Variants in PCDHGA7 observed in about 807,000 individuals in gnomAD.
PCDHGA7 encodes the protein protocadherin gamma-A7.
In PCDHGA7, 44 loss-of-function variants were observed where a neutral mutation model predicts 58.3. That is an observed-to-expected ratio of 0.75 (90% CI 0.59 to 0.97). PCDHGA7 has a LOEUF of 0.97. Ranked by LOEUF, PCDHGA7 falls within the 50% of genes least tolerant of loss-of-function variation. The probability of loss-of-function intolerance (pLI) is 0.00; values close to 1 mark genes in which losing one functional copy is unlikely to be tolerated. For missense variants in PCDHGA7, 1,266 were observed against 1,188.7 expected, an observed-to-expected ratio of 1.06 and a Z score of -0.96; for synonymous variants, 516 against 504.2, an observed-to-expected ratio of 1.02 and a Z score of -0.31.
rs773688197 is a variant in PCDHGA7, at chr5:141,432,412, C to T, written c.2424+47089C>T. On this transcript the variant is annotated intron_variant, in intron 1 of 3. Transcript: ENST00000518325. This position sits in a 1 kb window ranked among gnomAD's most constrained non-coding sequence, Gnocchi z 6.0. ...GCAGCAACGTGTCGTTGAGCCTGTT[C>T]GTGCTGGACCAGAACGACAATGCGC... 5 of 1,614,128 alleles carry T rather than the reference C, an allele frequency of 3.1e-6. No individual in the cohort carries two copies. The highest frequency in any genetic ancestry group is 4.5e-5 in the East Asian group (2 of 44,894).
chr5:141,385,097 C>G lies in PCDHGA7; in HGVS notation c.2198C>G (p.Ala733Gly). 6.2e-7 allele frequency: 1 copy of G among 1,614,192 alleles called. No homozygotes were observed. Among genetic ancestry groups the G allele is most frequent in the Non-Finnish European group, 8.5e-7 (1 of 1,180,050 alleles). The change falls in exon 1 of 4, where the codon GCG becomes GGG. Residue 733 changes from alanine to glycine, a missense_variant. Ala to Gly is a moderately conservative substitution (Grantham distance 60). Coordinates refer to ENST00000518325, the MANE Select transcript of PCDHGA7 (RefSeq NM_018920.4). Reference protein sequence around the residue: ...RLLQASEGGLANVPTSHFVGM... With the variant: ...RLLQASEGGLGNVPTSHFVGM... ...CTGCAGGCTTCAGAAGGTGGCTTGGCGAACGTGCCCACCTCGCACTTTGTG... is the reference window on the plus strand; with the variant it reads ...CTGCAGGCTTCAGAAGGTGGCTTGGGGAACGTGCCCACCTCGCACTTTGTG...
chr5:141,505,072 G>A (rs1374916789), intron 2 of PCDHGA7, among the ~76,000 whole-genome samples: 1 of 152,228 alleles, frequency 6.6e-6, no homozygotes. Context: ...TGAGGCAGGA[G>A]AATCGCTTGA....
intron 2 of PCDHGA7, among the ~76,000 whole-genome samples, chr5:141,495,119 C>T (rs1024197360): frequency 3.9e-5 from 6 of 152,182 alleles, no homozygotes; most frequent in African/African-American, 1.4e-4. Context: ...CTTTTCCTAT[C>T]CCCTGAGGGC....
Position 141,490,820 on chromosome 5 carries a change from T to G in PCDHGA7, c.2425-3987T>G. On this transcript the variant is annotated intron_variant, in intron 1 of 3. Transcript: ENST00000518325. The surrounding 1 kb of genome is among the most constrained non-coding windows in gnomAD (Gnocchi z 5.4). ...CAGCGTACCTTTGACTATGAATTGC[T>G]GCAGATGCTGCAGATTGTGGTGGGG... 6.2e-7 allele frequency: 1 copy of G among 1,613,820 alleles called. No homozygotes were observed. Among genetic ancestry groups the G allele is most frequent in the Non-Finnish European group, 8.5e-7 (1 of 1,179,768 alleles).
intron 1 of PCDHGA7, chr5:141,478,544 C>G (rs1371505487): frequency 6.2e-7 from 1 of 1,605,660 alleles, no homozygotes; most frequent in Admixed American, 1.7e-5. Flanking sequence ...CCCTCCCGGA[C>G]AGGTAAGGTT....
At chr5:141,421,080 C>CA (rs2096545590) in intron 1 of PCDHGA7, 1 of 638,250 alleles carries the variant, frequency 1.6e-6, no homozygotes, top group East Asian at 2.9e-5. Context: ...GATGGATACT[C>CA]ACAGATCCTG....
chr5:141,478,307 G>T, intron 1 of PCDHGA7: 3 of 1,614,056 alleles, frequency 1.9e-6, no homozygotes, highest in Non-Finnish European at 2.5e-6. Context: ...CCGAGCCCCG[G>T]TGAGCTCACT....
Position 141,384,104 on chromosome 5 carries a change from A to C in PCDHGA7, c.1205A>C (p.Tyr402Ser). Reference sequence around the variant, plus strand: ...TTAGAAAAATCAATAGATAATTATTATAGATTGGTCACAACCAAAAACTTG... The same window carrying C: ...TTAGAAAAATCAATAGATAATTATTCTAGATTGGTCACAACCAAAAACTTG... ...FKLEKSIDNYYRLVTTKNLDR... is the reference protein window; with the variant it reads ...FKLEKSIDNYSRLVTTKNLDR... Residue 402 changes from tyrosine (Y) to serine (S), a missense_variant, in exon 1 of 4, where the codon TAT becomes TCT. Physicochemically the swap from Tyr to Ser is moderately radical, Grantham distance 144. Coordinates refer to ENST00000518325, the MANE Select transcript of PCDHGA7 (RefSeq NM_018920.4). The C allele has an allele frequency of 1.2e-6, 2 of 1,601,040 alleles. No individual in the cohort carries two copies. The highest frequency in any genetic ancestry group is 8.5e-7 in the Non-Finnish European group (1 of 1,173,212).
Position 141,418,795 on chromosome 5 carries a change from A to G in PCDHGA7, c.2424+33472A>G, listed in dbSNP as rs373690093. The G allele has an allele frequency of 6.8e-6, 11 of 1,613,740 alleles. No homozygotes were observed. The African/African-American group carries it at 1.5e-4, about 22-fold the overall frequency. On this transcript the variant is annotated intron_variant, in intron 1 of 3. Transcript: ENST00000518325. Reference sequence around the variant, plus strand: ...AGCAGCCTTTGGATTTTGAAGAAGTAGAAAGATATACGATAAACATAGAAG... The same window carrying G: ...AGCAGCCTTTGGATTTTGAAGAAGTGGAAAGATATACGATAAACATAGAAG...
In PCDHGA7 at chr5:141,511,236, C is replaced by T; in HGVS notation, c.*63C>T. 4 of 1,591,606 alleles carry T rather than the reference C, an allele frequency of 2.5e-6. No individual in the cohort carries two copies. Among genetic ancestry groups the T allele is most frequent in the Admixed American group, 3.6e-5 (2 of 56,022 alleles). ...CCCAACCAGCCCAGCTTCTCCTTAC[C>T]TGCACCCAGGCCTCAGAGTTTCAGG... On this transcript the variant is annotated 3_prime_UTR_variant, in exon 4 of 4. Transcript: ENST00000518325.
At chr5:141,398,061 A>G (rs541058758) in intron 1 of PCDHGA7, 863 of 1,544,254 alleles carry the variant, frequency 5.6e-4, no homozygotes, top group Middle Eastern at 1.5e-3. Flanking sequence ...CCAAAAATCT[A>G]CAATACAGAG....
chr5:141,394,115 T>A, intron 1 of PCDHGA7: 1 of 1,613,954 alleles, frequency 6.2e-7, no homozygotes, highest in Non-Finnish European at 8.5e-7. Context: ...CTCTGTCCAC[T>A]GAAACTCAAA....
chr5:141,403,163 A>C, intron 1 of PCDHGA7: 1 of 1,614,052 alleles, frequency 6.2e-7, no homozygotes, highest in South Asian at 1.1e-5. Flanking sequence ...CTCTAGAGGT[A>C]GGACGCAGCT....
At chr5:141,426,517 A>G (rs893782433) in intron 1 of PCDHGA7, 5 of 343,020 alleles carry the variant, frequency 1.5e-5, no homozygotes, top group African/African-American at 2.1e-5. Context: ...CTTTACCGTG[A>G]ACACGGAGAA....
In PCDHGA7 at chr5:141,485,049, G is replaced by C. The variant is rs1271101804; in HGVS notation, c.2425-9758G>C. On this transcript the variant is annotated intron_variant, in intron 1 of 3. Coordinates refer to ENST00000518325, the MANE Select transcript of PCDHGA7 (RefSeq NM_018920.4). The surrounding 1 kb of genome is among the most constrained non-coding windows in gnomAD (Gnocchi z 5.7). ...AACGGCGCGTAACCCTTGCGGCGCC[G>C]GCCGAACCGCGCCAGAGCTGGCGCG... 1 of 780,438 alleles carries C rather than the reference G, an allele frequency of 1.3e-6. No homozygotes were observed. The highest frequency in any genetic ancestry group is 2.1e-6 in the Non-Finnish European group (1 of 469,234). The allele number at this position is 780,438 out of a possible 1,614,324, so 48.3% of individuals were successfully genotyped here. A position where few individuals can be genotyped will look rare whatever the true frequency, so the allele number is the denominator to read the frequency against.
At chr5:141,398,949 C>G in intron 1 of PCDHGA7, 1 of 1,613,948 alleles carries the variant, frequency 6.2e-7, no homozygotes, top group Non-Finnish European at 8.5e-7. Context: ...AGGGCATCAA[C>G]TCAGAAATTA....
intron 1 of PCDHGA7, among the ~76,000 whole-genome samples, chr5:141,460,958 T>C (rs182414946): frequency 8.2e-6 from 1 of 121,926 alleles, no homozygotes; most frequent in Non-Finnish European, 1.6e-5. Context: ...TATGTATATA[T>C]ATATGTGTGT....
Position 141,485,609 on chromosome 5 carries a change from G to C in PCDHGA7, c.2425-9198G>C, listed in dbSNP as rs1432367043. On this transcript the variant is annotated intron_variant, in intron 1 of 3. Coordinates refer to ENST00000518325, the MANE Select transcript of PCDHGA7 (RefSeq NM_018920.4). The surrounding 1 kb of genome is among the most constrained non-coding windows in gnomAD (Gnocchi z 5.7). ...GCTGGACTTGGAAATTGGGGAGGCA[G>C]CTCCTCCAGGACAGCGTTTCCCGTT... The C allele has an allele frequency of 1.2e-6, 2 of 1,612,138 alleles. No homozygotes were observed. Among genetic ancestry groups the C allele is most frequent in the Non-Finnish European group, 1.7e-6 (2 of 1,178,664 alleles).
intron 1 of PCDHGA7, among the ~76,000 whole-genome samples, chr5:141,469,914 C>T (rs1451982311): frequency 6.6e-6 from 1 of 152,082 alleles, no homozygotes. Flanking sequence ...GCAGACCACC[C>T]GAGGTCAGGA....
Sources: gnomAD v4.1 joint callset for allele counts (sites outside exome capture counted in the v4.1 genomes callset) on GRCh38, gnomAD v4.1.1 for gene constraint, Gnocchi (gnomAD v3.1) non-coding constraint, MANE v1.5 for transcripts, NCBI Gene and HGNC (gene_info 2026-07-23, HGNC 2026-07-21) for gene names.